Variants in DUSP29 observed in about 807,000 individuals in gnomAD.
The protein encoded by DUSP29 is dual specificity phosphatase 29, also known as atypical dual-specific protein phosphatase.
In DUSP29, 12 loss-of-function variants were observed where a neutral mutation model predicts 13.5. The ratio of observed to expected loss-of-function variants is 0.89; its 90% CI spans 0.57 to 1.44. The LOEUF is 1.44. Among genes scored for constraint, DUSP29 ranks in the 40% most tolerant of loss-of-function variants. The probability of loss-of-function intolerance (pLI) is 0.00; values close to 1 mark genes in which losing one functional copy is unlikely to be tolerated. For missense variants in DUSP29, 308 were observed against 301.1 expected (o/e 1.02, Z -0.17); for synonymous variants, 134 against 128.7 (o/e 1.04, Z -0.28).
chr10:75,067,651 G>A (rs1436205538), intron 1 of DUSP29, among the ~76,000 whole-genome samples: 3 of 152,160 alleles, frequency 2.0e-5, no homozygotes, highest in Admixed American at 2.0e-4. Flanking sequence ...GGATCGGAAA[G>A]GGGTGTGCTG....
chr10:75,044,931 G>A (rs1846672272), intron 2 of DUSP29, among the ~76,000 whole-genome samples: 1 of 152,224 alleles, frequency 6.6e-6, no homozygotes, highest in African/African-American at 2.4e-5. Flanking sequence ...AGCACCACCT[G>A]AGGTATGGAG....
At chr10:75,071,280 G>T (rs1458656625) in intron 1 of DUSP29, among the ~76,000 whole-genome samples, 1 of 152,246 alleles carries the variant, frequency 6.6e-6, no homozygotes, top group Admixed American at 6.5e-5. Context: ...TGTCAGGAAA[G>T]CTCTTGGAAC....
intron 2 of DUSP29, among the ~76,000 whole-genome samples, chr10:75,053,297 C>T (rs1296625374): frequency 1.6e-4 from 25 of 152,174 alleles, no homozygotes; most frequent in Non-Finnish European, 1.5e-4. Context: ...TAGCTATTCC[C>T]ATCCTGCTTC....
At chr10:75,070,775 A>G (rs1255350671) in intron 1 of DUSP29, among the ~76,000 whole-genome samples, 1 of 152,160 alleles carries the variant, frequency 6.6e-6, no homozygotes, top group Non-Finnish European at 1.5e-5. Context: ...CATGCAAGAG[A>G]GTAGGAGAAA....
In DUSP29 at chr10:75,048,231, A is replaced by G. The variant is rs758164275; in HGVS notation, c.201-4214T>C. Reference sequence around the variant, plus strand: ...AAATTGCAGTCCGTATTCTTTGTCAATTTCATAGACAAAAAAAATTAATGG... The same window carrying G: ...AAATTGCAGTCCGTATTCTTTGTCAGTTTCATAGACAAAAAAAATTAATGG... On this transcript the variant is annotated intron_variant, in intron 2 of 3. Coordinates refer to ENST00000338487, the MANE Select transcript of DUSP29 (RefSeq NM_001003892.3). 2.6e-5 allele frequency among the ~76,000 whole-genome samples: 4 copies of G among 152,052 alleles called. No homozygotes were observed. In the South Asian group the frequency reaches 8.3e-4, roughly 32 times the overall value.
intron 3 of DUSP29, among the ~76,000 whole-genome samples, chr10:75,042,146 C>T (rs557555679): frequency 5.6e-4 from 85 of 152,368 alleles, no homozygotes; most frequent in South Asian, 2.9e-3. Flanking sequence ...GCGCTTTACG[C>T]GCGTTACTGC....
chr10:75,052,065 G>T (rs545742323), intron 2 of DUSP29, among the ~76,000 whole-genome samples: 1 of 152,130 alleles, frequency 6.6e-6, no homozygotes, highest in African/African-American at 2.4e-5. Context: ...GAATTAAAAG[G>T]GCAGTGACAT....
chr10:75,065,441 GC>G (rs1363847912), intron 1 of DUSP29, among the ~76,000 whole-genome samples: 2 of 151,470 alleles, frequency 1.3e-5, no homozygotes, highest in African/African-American at 4.9e-5. Flanking sequence ...CGATTCTCCT[GC>G]CTCAGCCTCC....
chr10:75,046,753 G>T (rs2134285677), intron 2 of DUSP29, among the ~76,000 whole-genome samples: 1 of 152,280 alleles, frequency 6.6e-6, no homozygotes, highest in East Asian at 1.9e-4. Flanking sequence ...TTTTCGTCTT[G>T]CCCCAAAGTA....
intron 2 of DUSP29, among the ~76,000 whole-genome samples, chr10:75,045,568 C>G (rs982652015): frequency 6.6e-6 from 1 of 152,088 alleles, no homozygotes; most frequent in African/African-American, 2.4e-5. Context: ...GGTGTTTAAG[C>G]CAAGACTGAG....
At chr10:75,067,292 G>T (rs1375881303) in intron 1 of DUSP29, among the ~76,000 whole-genome samples, 1 of 152,142 alleles carries the variant, frequency 6.6e-6, no homozygotes, top group Non-Finnish European at 1.5e-5. Context: ...AACCAAACAG[G>T]TATAGGGCCT....
chr10:75,069,604 C>A (rs1847277925), intron 1 of DUSP29, among the ~76,000 whole-genome samples: 1 of 152,210 alleles, frequency 6.6e-6, no homozygotes, highest in Non-Finnish European at 1.5e-5. Context: ...ACGCTCTGGG[C>A]CTTGGGAAGG....
intron 1 of DUSP29, among the ~76,000 whole-genome samples, chr10:75,061,748 G>C (rs932669078): frequency 6.6e-6 from 1 of 152,172 alleles, no homozygotes; most frequent in Non-Finnish European, 1.5e-5. Context: ...ACCTTGCTTC[G>C]GGGCTCCTGA....
intron 2 of DUSP29, among the ~76,000 whole-genome samples, chr10:75,046,629 A>G (rs977768227): frequency 5.9e-5 from 9 of 152,254 alleles, no homozygotes; most frequent in African/African-American, 2.2e-4. Flanking sequence ...GAACTGTGGC[A>G]TGGGGAGGTG....
intron 2 of DUSP29, among the ~76,000 whole-genome samples, chr10:75,052,929 A>G (rs1332315289): frequency 6.6e-6 from 1 of 152,202 alleles, no homozygotes; most frequent in Non-Finnish European, 1.5e-5. Flanking sequence ...TTTGCCAGTG[A>G]AATGTGGGCA....
At chr10:75,043,220 T>C (rs1185420777) in intron 3 of DUSP29, among the ~76,000 whole-genome samples, 2 of 152,128 alleles carry the variant, frequency 1.3e-5, no homozygotes, top group Admixed American at 1.3e-4. Context: ...AACTGGGGAG[T>C]GTAACTTGGT....
chr10:75,051,401 A>G (rs1436422535), intron 2 of DUSP29, among the ~76,000 whole-genome samples: 1 of 152,252 alleles, frequency 6.6e-6, no homozygotes, highest in Non-Finnish European at 1.5e-5. Context: ...AAAGTCACAA[A>G]GCCTGAGTGA....
intron 1 of DUSP29, among the ~76,000 whole-genome samples, chr10:75,067,719 T>C (rs1171853538): frequency 1.3e-5 from 2 of 152,196 alleles, no homozygotes; most frequent in Non-Finnish European, 2.9e-5. Flanking sequence ...GAACAATTTA[T>C]AGTGTAAACA....
intron 2 of DUSP29, among the ~76,000 whole-genome samples, chr10:75,055,801 A>G (rs998691239): frequency 6.6e-6 from 1 of 152,156 alleles, no homozygotes; most frequent in Non-Finnish European, 1.5e-5. Flanking sequence ...GTTTCTGTAC[A>G]CCCCTCTCCT....
Sources: allele counts gnomAD v4.1 joint callset (sites outside exome capture counted in the v4.1 genomes callset), GRCh38; gene constraint gnomAD v4.1.1; transcripts MANE v1.5; gene names NCBI Gene and HGNC (gene_info 2026-07-23, HGNC 2026-07-21).